Variants in PCSK7 observed in about 807,000 individuals in gnomAD.
PCSK7 encodes the protein proprotein convertase subtilisin/kexin type 7.
PCSK7 carries 38 observed loss-of-function variants against 73.3 expected under a neutral mutation model. That is an observed-to-expected ratio of 0.52 (90% confidence interval 0.40 to 0.68). The LOEUF is 0.68. Ranked by LOEUF, PCSK7 falls within the 30% of genes least tolerant of loss-of-function variation. The pLI, the probability that PCSK7 is intolerant of heterozygous loss-of-function variation, is 0.00. For missense variants in PCSK7, 692 were observed against 991.5 expected, an observed-to-expected ratio of 0.70 and a Z score of 4.06; for synonymous variants, 296 against 383.8, an observed-to-expected ratio of 0.77 and a Z score of 2.68.
chr11:117,217,131 C>G (rs1036790898), intron 12 of PCSK7: 6 of 152,214 alleles, frequency 3.9e-5, no homozygotes, highest in African/African-American at 1.4e-4. Flanking sequence ...GGCAATCTGT[C>G]CTTCTTTCTC....
At chr11:117,219,514 G>T in intron 10 of PCSK7, 77 bp downstream of exon 10, 1 of 1,354,844 alleles carries the variant, frequency 7.4e-7, no homozygotes, top group Non-Finnish European at 1.0e-6. Context: ...TTGGGACATT[G>T]AGAATCTAAG....
chr11:117,229,512 C>T lies in PCSK7; in HGVS notation c.333G>A (p.Glu111=), dbSNP rs1304134320. Residue 111 remains glutamate, a synonymous_variant, in exon 3 of 17, where the codon GAG becomes GAA. Transcript: ENST00000320934. The part of the protein sequence containing the change: ...PAGHRPALEV[E]AIRQQVEAVL... ...CAGCCTCCACCTGCTGCCGGATGGC[C>T]TCCACCTCCAGGGCCGGCCTGTGCC... The T allele has an allele frequency of 1.9e-6, 3 of 1,612,904 alleles. No individual in the cohort carries two copies. The highest frequency in any genetic ancestry group is 2.5e-6 in the Non-Finnish European group (3 of 1,180,042).
intron 6 of PCSK7, 73 bp downstream of exon 6, chr11:117,225,858 G>T: frequency 1.1e-6 from 1 of 945,548 alleles, no homozygotes; most frequent in Non-Finnish European, 1.7e-6. Context: ...TCAGCCCACT[G>T]GTTGGGATTT....
chr11:117,204,586 C>A lies in PCSK7; in HGVS notation c.*1411G>T. 1.5e-6 allele frequency: 1 copy of A among 666,202 alleles called. No individual in the cohort carries two copies. The highest frequency in any genetic ancestry group is 2.7e-6 in the Non-Finnish European group (1 of 374,702). The allele number at this position is 666,202 out of a possible 1,614,324, so 41.3% of individuals were successfully genotyped here. A position where few individuals can be genotyped will look rare whatever the true frequency, so the allele number is the denominator to read the frequency against. ...CACTGCCTTGGCCCCTCCCTCCCGG[C>A]TGCCCCCATCACCTCTACTGTCTCC... On this transcript the variant is annotated 3_prime_UTR_variant, in exon 17 of 17. Coordinates refer to ENST00000320934, the MANE Select transcript of PCSK7 (RefSeq NM_004716.4).
chr11:117,228,425 C>A, intron 3 of PCSK7, 75 bp from the exon 4 acceptor site: 1 of 1,348,732 alleles, frequency 7.4e-7, no homozygotes, highest in Non-Finnish European at 1.1e-6. Context: ...AGCTAGCAGC[C>A]CCTTTTCACC....
chr11:117,213,956 C>CTTTTTTTTTT (rs1174445276), intron 12 of PCSK7: 7 of 93,952 alleles, frequency 7.5e-5, no homozygotes, highest in Admixed American at 1.2e-4. Context: ...TTTTCTTTTT[C>CTTTTTTTTTT]TTTTTTTTTT....
intron 6 of PCSK7, chr11:117,225,027 C>T (rs1448961788): frequency 2.5e-6 from 1 of 396,876 alleles, no homozygotes; most frequent in East Asian, 3.9e-5. Context: ...CACTCATCTC[C>T]TGATCTAGGG....
Position 117,205,452 on chromosome 11 carries a change from A to G in PCSK7, c.*545T>C, listed in dbSNP as rs2031310277. 4.3e-6 allele frequency: 1 copy of G among 233,810 alleles called. No individual in the cohort carries two copies. Among genetic ancestry groups the G allele is most frequent in the South Asian group, 1.8e-4 (1 of 5,534 alleles). The allele number at this position is 233,810 out of a possible 1,614,324, so 14.5% of individuals were successfully genotyped here. A position where few individuals can be genotyped will look rare whatever the true frequency, so the allele number is the denominator to read the frequency against. ...CCAGCTGTGCCGGCAGCATCATACC[A>G]ATCGTGGGGGTGGTGAAGGAGCCAG... On this transcript the variant is annotated 3_prime_UTR_variant, in exon 17 of 17. Coordinates refer to ENST00000320934, the MANE Select transcript of PCSK7 (RefSeq NM_004716.4).
chr11:117,224,022 A>C, intron 8 of PCSK7, 56 bp downstream of exon 8: 4 of 1,560,234 alleles, frequency 2.6e-6, no homozygotes, highest in Non-Finnish European at 3.5e-6. Context: ...AAGACGTGTG[A>C]TGCCCTAACC....
Position 117,209,504 on chromosome 11 carries a change from C to G in PCSK7, c.1535-451G>C, listed in dbSNP as rs143403688. 1,372 of 174,542 alleles carry G rather than the reference C, an allele frequency of 7.9e-3. 25 individuals are homozygous for G. The highest frequency in any genetic ancestry group is 0.031 in the African/African-American group (1,300 of 41,928). The allele number at this position is 174,542 out of a possible 1,614,324, so 10.8% of individuals were successfully genotyped here. A position where few individuals can be genotyped will look rare whatever the true frequency, so the allele number is the denominator to read the frequency against. On this transcript the variant is annotated intron_variant, in intron 12 of 16. Transcript: ENST00000320934. Reference sequence around the variant, plus strand: ...TGGGTTTAGGCACACAGCAGTGAGACACACTGAAGGAAATGAATACAGATC... The same window carrying G: ...TGGGTTTAGGCACACAGCAGTGAGAGACACTGAAGGAAATGAATACAGATC...
intron 8 of PCSK7, 194 bp from the exon 9 acceptor site, chr11:117,223,502 T>C: frequency 1.7e-6 from 1 of 585,614 alleles, no homozygotes. Flanking sequence ...CAGAGGGCAT[T>C]CTGTGCCGCA....
chr11:117,229,817 G>A lies in PCSK7; in HGVS notation c.28C>T (p.His10Tyr), dbSNP rs917920106. ...GGCAGGCCCAGGGGGGCATCCAAGT[G>A]TGGCACTTTCTGCCTCCCCTTCGGC... Reference protein sequence around the residue: MPKGRQKVPHLDAPLGLPTC... With the variant: MPKGRQKVPYLDAPLGLPTC... Residue 10 changes from histidine (H) to tyrosine (Y), a missense_variant, in exon 3 of 17, where the codon CAC (histidine) becomes TAC (tyrosine). Physicochemically the swap from His to Tyr is moderately conservative, Grantham distance 83. This residue lies in a region of PCSK7 where 574 missense variants were observed against 689.8 expected (regional missense o/e 0.83). Transcript: ENST00000320934. 1 of 1,582,106 alleles carries A rather than the reference G, an allele frequency of 6.3e-7. No individual in the cohort carries two copies. The highest frequency in any genetic ancestry group is 1.3e-5 in the African/African-American group (1 of 74,226).
At chr11:117,224,844 T>C in intron 6 of PCSK7, 89 bp from the exon 7 acceptor site, 1 of 922,812 alleles carries the variant, frequency 1.1e-6, no homozygotes, top group Non-Finnish European at 1.8e-6. Context: ...GGCTGCCCTT[T>C]GACCTGCAGC....
chr11:117,215,660 C>T (rs2031953643), intron 12 of PCSK7: 1 of 150,844 alleles, frequency 6.6e-6, no homozygotes, highest in Admixed American at 6.6e-5. Context: ...CTCAGCCTCC[C>T]AAAGTGCTGG....
chr11:117,218,419 C>T lies in PCSK7; in HGVS notation c.1534+47G>A. On this transcript the variant is annotated intron_variant, in intron 12 of 16. Transcript: ENST00000320934. This position sits in a 1 kb window ranked among gnomAD's most constrained non-coding sequence, Gnocchi z 4.0. Reference sequence around the variant, plus strand: ...GAGTTTAACTTCCTTGTCACCCGGCCCCAAACCTCAGGCCTAAGATTAACC... The same window carrying T: ...GAGTTTAACTTCCTTGTCACCCGGCTCCAAACCTCAGGCCTAAGATTAACC... 9.3e-7 allele frequency: 1 copy of T among 1,076,212 alleles called. No homozygotes were observed. The highest frequency in any genetic ancestry group is 1.3e-6 in the Non-Finnish European group (1 of 745,466). The allele number at this position is 1,076,212 out of a possible 1,614,324, so 66.7% of individuals were successfully genotyped here. A position where few individuals can be genotyped will look rare whatever the true frequency, so the allele number is the denominator to read the frequency against.
chr11:117,229,214 G>C (rs900871972), intron 3 of PCSK7, among the ~76,000 whole-genome samples, 163 bp downstream of exon 3: 2 of 152,220 alleles, frequency 1.3e-5, no homozygotes, highest in African/African-American at 4.8e-5. Flanking sequence ...GCCTCTAGAA[G>C]ACAGTAGAAG....
At chr11:117,229,984 A>T in intron 2 of PCSK7, 128 bp from the exon 3 acceptor site, 2 of 603,958 alleles carry the variant, frequency 3.3e-6, no homozygotes, top group Non-Finnish European at 5.7e-6. Context: ...TAAATTGTGA[A>T]ACATTTGATC....
intron 11 of PCSK7, 21 bp downstream of exon 11, chr11:117,219,036 G>A: frequency 6.4e-7 from 1 of 1,563,178 alleles, no homozygotes; most frequent in Non-Finnish European, 8.7e-7. Flanking sequence ...AGGGCACCCT[G>A]CCCTGCCAAC....
chr11:117,210,709 G>A (rs766569751), intron 12 of PCSK7: 1 of 152,172 alleles, frequency 6.6e-6, no homozygotes, highest in Non-Finnish European at 1.5e-5. Flanking sequence ...TTCCAGGCCA[G>A]GCATGGTGGC....
Sources: allele counts gnomAD v4.1 joint callset (sites outside exome capture counted in the v4.1 genomes callset), GRCh38; gene constraint gnomAD v4.1.1; regional missense constraint gnomAD v4.1.1; non-coding constraint Gnocchi (gnomAD v3.1); transcripts MANE v1.5; gene names NCBI Gene and HGNC (gene_info 2026-07-23, HGNC 2026-07-21).